The following ANO3 variants were observed in gnomAD, a reference collection of about 807,000 sequenced individuals.
ANO3 encodes the protein anoctamin 3.
A neutral mutation model predicts 144.8 loss-of-function variants in ANO3; 99 were observed. The observed-to-expected ratio is 0.68, with a 90% CI of 0.58 to 0.81. The LOEUF (loss-of-function observed/expected upper bound fraction) is 0.81. Ranked by LOEUF, ANO3 falls within the 30% of genes least tolerant of loss-of-function variation. The pLI, the probability that ANO3 is intolerant of heterozygous loss-of-function variation, is 0.00. For missense variants in ANO3, 905 were observed against 1,202.2 expected, an observed-to-expected ratio of 0.75 and a Z score of 3.66; for synonymous variants, 414 against 392.6, an observed-to-expected ratio of 1.05 and a Z score of -0.64.
At chr11:26,286,120 C>G (rs1853801478) in intron 1 of ANO3, 1 of 152,118 alleles carries the variant, frequency 6.6e-6, no homozygotes. Context: ...AGCTTATTGT[C>G]TTCCATATGA....
chr11:26,408,076 T>A lies in ANO3; in HGVS notation c.47-33842T>A, dbSNP rs376794711. On this transcript the variant is annotated intron_variant, in intron 1 of 26. Coordinates refer to ENST00000256737, the MANE Select transcript of ANO3 (RefSeq NM_031418.4). ...GACATAGACATGGGCAAGGACTTCATGTCTAAAACACCAAAAGCAATGGCA... is the reference window on the plus strand; with the variant it reads ...GACATAGACATGGGCAAGGACTTCAAGTCTAAAACACCAAAAGCAATGGCA... 1.5e-3 allele frequency among the ~76,000 whole-genome samples: 230 copies of A among 152,162 alleles called. 5 individuals are homozygous for A. In the East Asian group the frequency reaches 0.04, roughly 27 times the overall value.
intron 14 of ANO3, chr11:26,565,603 C>T: frequency 1.2e-6 from 2 of 1,613,268 alleles, no homozygotes; most frequent in South Asian, 1.1e-5. Flanking sequence ...CTGGAGAAAT[C>T]TGTTATTCCG....
rs550598554 is a variant in ANO3 at position 26,581,922 on chromosome 11, A to G, written c.1448-16443A>G. On this transcript the variant is annotated intron_variant, in intron 14 of 26. Coordinates refer to ENST00000256737, the MANE Select transcript of ANO3 (RefSeq NM_031418.4). ...AGTTCTTGGTATGTGTAACAACTAG[A>G]GTGTTAAGAAAATTGGTTATTATAA... Among the ~76,000 whole-genome samples, 18 of 152,332 alleles carry G rather than the reference A, an allele frequency of 1.2e-4. No homozygotes were observed. In the South Asian group the frequency reaches 3.7e-3, roughly 32 times the overall value.
intron 1 of ANO3, among the ~76,000 whole-genome samples, chr11:26,256,266 A>G (rs572289875): frequency 2.0e-5 from 3 of 152,156 alleles, no homozygotes; most frequent in Admixed American, 6.5e-5. Context: ...CAAAAAAGTT[A>G]TGATGGAGTT....
chr11:26,331,311 A>C (rs183115202), upstream of ANO3: 1 of 152,326 alleles, frequency 6.6e-6, no homozygotes, highest in East Asian at 1.9e-4. Flanking sequence ...CGCATCCTGC[A>C]CATGTACCAC....
intron 17 of ANO3, among the ~76,000 whole-genome samples, chr11:26,615,394 TTATA>T (rs201511864): frequency 9.0e-4 from 116 of 128,894 alleles, no homozygotes; most frequent in African/African-American, 3.2e-3. Flanking sequence ...TTCTGTCAGT[TTATA>T]TATATATATA....
Position 26,348,313 on chromosome 11 carries a change from G to A in ANO3, c.46+15992G>A, listed in dbSNP as rs984333717. 4.6e-5 allele frequency among the ~76,000 whole-genome samples: 7 copies of A among 152,154 alleles called. No homozygotes were observed. In the South Asian group the frequency reaches 1.0e-3, roughly 22 times the overall value. On this transcript the variant is annotated intron_variant, in intron 1 of 26. Transcript: ENST00000256737. ...CAAATAGAAAGTAATCTTCTCATGT[G>A]TATTTAAAGTTCATGTTATATACAT...
chr11:26,257,178 A>G (rs1205341957), intron 1 of ANO3, among the ~76,000 whole-genome samples: 3 of 152,148 alleles, frequency 2.0e-5, no homozygotes, highest in Non-Finnish European at 2.9e-5. Context: ...ATATATGTAC[A>G]TATGCATATA....
chr11:26,376,764 G>C, intron 1 of ANO3, among the ~76,000 whole-genome samples: 1 of 152,128 alleles, frequency 6.6e-6, no homozygotes, highest in East Asian at 1.9e-4. Context: ...GGCTAGCAAT[G>C]AATTTTGTAC....
chr11:26,525,749 T>A lies in ANO3; in HGVS notation c.737+70T>A, dbSNP rs952811795. On this transcript the variant is annotated intron_variant, in intron 7 of 26. Transcript: ENST00000256737. ...TGAAAAAAATAAGAAGATATTTGATTCCCCATATCAGCAGTTGTAAATCAT... is the reference window on the plus strand; with the variant it reads ...TGAAAAAAATAAGAAGATATTTGATACCCCATATCAGCAGTTGTAAATCAT... 10 of 1,168,188 alleles carry A rather than the reference T, an allele frequency of 8.6e-6. No individual in the cohort carries two copies. In the African/African-American group the frequency reaches 1.3e-4, roughly 15 times the overall value. 72.4% of individuals were successfully genotyped at this position (1,168,188 alleles called of 1,614,324 possible). A position where few individuals can be genotyped will look rare whatever the true frequency, so the allele number is the denominator to read the frequency against.
exon 1 of ANO3, chr11:26,189,235 A>G (rs1419821093): frequency 4.1e-6 from 4 of 985,172 alleles, no homozygotes; most frequent in Non-Finnish European, 4.8e-6. Flanking sequence ...AGACATGAGC[A>G]CGCTTCCAAC....
chr11:26,460,728 C>A (rs1240505699), intron 3 of ANO3, among the ~76,000 whole-genome samples: 2 of 151,816 alleles, frequency 1.3e-5, no homozygotes, highest in Non-Finnish European at 2.9e-5. Context: ...AAATCTCTGC[C>A]TAGAAAACTA....
At chr11:26,319,562 G>T (rs1483989833) in intron 1 of ANO3, among the ~76,000 whole-genome samples, 1 of 152,140 alleles carries the variant, frequency 6.6e-6, no homozygotes, top group Admixed American at 6.5e-5. Context: ...TGTTTGTATG[G>T]CATAGACATC....
intron 1 of ANO3, among the ~76,000 whole-genome samples, chr11:26,319,030 G>A (rs1312882373): frequency 6.6e-6 from 1 of 151,990 alleles, no homozygotes; most frequent in Non-Finnish European, 1.5e-5. Flanking sequence ...AGGCTGGAGT[G>A]GAATGTCAGG....
chr11:26,370,804 C>T (rs925876277), intron 1 of ANO3, among the ~76,000 whole-genome samples: 47 of 152,142 alleles, frequency 3.1e-4, no homozygotes, highest in Admixed American at 3.1e-3. Flanking sequence ...TTGCCCCTGC[C>T]TAGAGATCTG....
intron 1 of ANO3, among the ~76,000 whole-genome samples, chr11:26,388,282 C>T (rs1029055097): frequency 2.0e-5 from 3 of 151,480 alleles, no homozygotes; most frequent in African/African-American, 4.8e-5. Context: ...AAATAACTAG[C>T]GTTTTATTAG....
intron 1 of ANO3, among the ~76,000 whole-genome samples, chr11:26,364,082 A>G (rs1176535001): frequency 1.3e-5 from 2 of 152,200 alleles, no homozygotes; most frequent in African/African-American, 4.8e-5. Context: ...ATTTGCATCA[A>G]AGATGTTTTA....
chr11:26,272,981 T>C (rs1853475766), intron 1 of ANO3, among the ~76,000 whole-genome samples: 1 of 152,180 alleles, frequency 6.6e-6, no homozygotes, highest in South Asian at 2.1e-4. Context: ...ATCAAGCACC[T>C]TGGAAGCATG....
chr11:26,205,717 C>T (rs1022486601), intron 1 of ANO3, among the ~76,000 whole-genome samples: 5 of 152,050 alleles, frequency 3.3e-5, no homozygotes, highest in East Asian at 3.9e-4. Flanking sequence ...TCCTCATAAA[C>T]GGTATACTGT....
Sources: allele counts gnomAD v4.1 joint callset (sites outside exome capture counted in the v4.1 genomes callset), GRCh38; gene constraint gnomAD v4.1.1; transcripts MANE v1.5; gene names NCBI Gene and HGNC (gene_info 2026-07-23, HGNC 2026-07-21).